Variants in CNOT4 observed in about 807,000 individuals in gnomAD.
The protein encoded by CNOT4 is CCR4-associated factor 4.
CNOT4 carries 8 observed loss-of-function variants against 73.8 expected under a neutral mutation model. The ratio of observed to expected loss-of-function variants is 0.11; its 90% CI spans 0.06 to 0.20. The LOEUF (loss-of-function observed/expected upper bound fraction) is 0.20, where lower values mean the gene tolerates loss of function less well. Among genes scored for constraint, CNOT4 ranks in the 10% least tolerant of loss-of-function variants. The pLI, the probability that CNOT4 is intolerant of heterozygous loss-of-function variation, is 1.00. For missense variants in CNOT4, 564 were observed against 883.4 expected, an observed-to-expected ratio of 0.64 and a Z score of 4.58; for synonymous variants, 293 against 321.1, an observed-to-expected ratio of 0.91 and a Z score of 0.94.
intron 7 of CNOT4, among the ~76,000 whole-genome samples, chr7:135,400,487 G>A (rs1796949000): frequency 6.6e-6 from 1 of 152,056 alleles, no homozygotes; most frequent in Non-Finnish European, 1.5e-5. Context: ...CTGGATCTTG[G>A]TTCATCTTCC....
At chr7:135,425,127 C>T (rs995974561) in intron 2 of CNOT4, among the ~76,000 whole-genome samples, 1 of 152,140 alleles carries the variant, frequency 6.6e-6, no homozygotes, top group African/African-American at 2.4e-5. Flanking sequence ...CATAATAGCA[C>T]TCTATATCAG....
At chr7:135,482,986 CAAA>C (rs36125617) in intron 1 of CNOT4, among the ~76,000 whole-genome samples, 6 of 43,498 alleles carry the variant, frequency 1.4e-4, no homozygotes, top group Admixed American at 3.0e-4. Flanking sequence ...GACTCCATAT[CAAA>C]AAAAAAAAAA....
rs780181408 is a variant in CNOT4 at position 135,363,908 on chromosome 7, C to T, written c.1786G>A (p.Asp596Asn). 9 of 1,598,190 alleles carry T rather than the reference C, an allele frequency of 5.6e-6. No homozygotes were observed. The Admixed American group carries it at 8.3e-5, about 15-fold the overall frequency. The stretch of plus-strand genomic sequence containing the variant: ...CCAGGGCTGTCCCAACTCAGGCTGT[C>T]GGTGGTGGCAGTGTTGGACGTTGGT... The part of the protein sequence containing the change: ...SAPTSNTATT[D>N]SLSWDSPGSW... The change falls in exon 11 of 12, where the codon GAC becomes AAC. Residue 596 changes from aspartate (D) to asparagine (N), a missense_variant. By Grantham distance (23) the Asp-to-Asn change is conservative. This residue lies in a region of CNOT4 where 53 missense variants were observed against 75.4 expected (regional missense o/e 0.70). Transcript: ENST00000541284. The surrounding 1 kb of genome is among the most constrained non-coding windows in gnomAD (Gnocchi z 4.3).
At chr7:135,450,748 T>A (rs947866330) in intron 1 of CNOT4, among the ~76,000 whole-genome samples, 3 of 152,174 alleles carry the variant, frequency 2.0e-5, no homozygotes, top group Non-Finnish European at 4.4e-5. Context: ...ACAATGTCTG[T>A]CTAATTTGTT....
intron 7 of CNOT4, among the ~76,000 whole-genome samples, chr7:135,403,895 T>G (rs1797136564): frequency 6.6e-6 from 1 of 152,226 alleles, no homozygotes; most frequent in Admixed American, 6.5e-5. Context: ...ATACACTTAA[T>G]GTTTTTAAAA....
rs79529767 is a variant in CNOT4, at chr7:135,475,955, A to G, written c.-93+33934T>C. 5.7e-3 allele frequency among the ~76,000 whole-genome samples: 870 copies of G among 152,240 alleles called. 4 individuals carry two copies. The highest frequency in any genetic ancestry group is 9.1e-3 in the Non-Finnish European group (622 of 68,020). On this transcript the variant is annotated intron_variant, in intron 1 of 11. Coordinates refer to ENST00000541284, the MANE Select transcript of CNOT4 (RefSeq NM_001190850.2). The stretch of plus-strand genomic sequence containing the variant: ...TAAAAATGAGGGAAAAAAGTCTAAA[A>G]AAGTTTAAAGTTGCTATGTAGAAAA...
chr7:135,444,069 G>A (rs1403042446), intron 1 of CNOT4, among the ~76,000 whole-genome samples: 4 of 151,902 alleles, frequency 2.6e-5, no homozygotes, highest in Admixed American at 2.0e-4. Flanking sequence ...GAGCCAGGAG[G>A]GAGAGGCTGC....
intron 2 of CNOT4, among the ~76,000 whole-genome samples, chr7:135,426,290 C>T (rs911795778): frequency 6.6e-6 from 1 of 151,724 alleles, no homozygotes; most frequent in African/African-American, 2.4e-5. Context: ...ATATTACTAG[C>T]ACTAAAAATG....
At chr7:135,412,266 A>C (rs929309118) in intron 6 of CNOT4, among the ~76,000 whole-genome samples, 17 of 151,922 alleles carry the variant, frequency 1.1e-4, no homozygotes, top group Non-Finnish European at 1.9e-4. Flanking sequence ...ATCCCATTAC[A>C]AACAAGTTCC....
intron 10 of CNOT4, among the ~76,000 whole-genome samples, chr7:135,374,528 A>C (rs1795410948): frequency 6.6e-6 from 1 of 152,224 alleles, no homozygotes; most frequent in Non-Finnish European, 1.5e-5. Context: ...ATTTGACTCC[A>C]TGCTTTTTAT....
chr7:135,499,928 C>T (rs1176652577), intron 1 of CNOT4, among the ~76,000 whole-genome samples: 1 of 152,146 alleles, frequency 6.6e-6, no homozygotes, highest in Admixed American at 6.5e-5. Flanking sequence ...TTTTCAACAG[C>T]ACACACGATC....
intron 10 of CNOT4, chr7:135,388,544 T>C: frequency 9.3e-7 from 1 of 1,073,542 alleles, no homozygotes; most frequent in Non-Finnish European, 1.1e-6. Context: ...AAGTTTATTT[T>C]TATGAGTTAG....
chr7:135,460,410 T>C (rs1563063541), intron 1 of CNOT4, among the ~76,000 whole-genome samples: 1 of 152,220 alleles, frequency 6.6e-6, no homozygotes, highest in Non-Finnish European at 1.5e-5. Flanking sequence ...ATTCTTTCTT[T>C]CATTTGAACA....
At chr7:135,492,906 T>C (rs984109189) in intron 1 of CNOT4, among the ~76,000 whole-genome samples, 1 of 152,034 alleles carries the variant, frequency 6.6e-6, no homozygotes, top group Non-Finnish European at 1.5e-5. Flanking sequence ...TATATTGAAA[T>C]TATCAAGAAT....
At chr7:135,431,214 A>G (rs554163968) in intron 2 of CNOT4, among the ~76,000 whole-genome samples, 24 of 152,344 alleles carry the variant, frequency 1.6e-4, no homozygotes, top group African/African-American at 5.3e-4. Context: ...GCAGTGAGCC[A>G]TATTTGTGCC....
At chr7:135,424,036 A>C (rs1028721177) in intron 2 of CNOT4, among the ~76,000 whole-genome samples, 28 of 135,140 alleles carry the variant, frequency 2.1e-4, no homozygotes, top group Non-Finnish European at 3.4e-4. Flanking sequence ...AAACAAACAA[A>C]CAAAACACAC....
chr7:135,495,687 A>G (rs1803470709), intron 1 of CNOT4, among the ~76,000 whole-genome samples: 3 of 65,692 alleles, frequency 4.6e-5, no homozygotes, highest in South Asian at 5.1e-4. Flanking sequence ...AAAAAAAAAA[A>G]AAAAAAGAAA....
chr7:135,508,113 A>C (rs1804493658), intron 1 of CNOT4, among the ~76,000 whole-genome samples: 2 of 152,246 alleles, frequency 1.3e-5, no homozygotes, highest in African/African-American at 4.8e-5. Flanking sequence ...CCAGTAATGG[A>C]CTGCCACATG....
At chr7:135,390,447 TA>T (rs990751629) in intron 10 of CNOT4, among the ~76,000 whole-genome samples, 11 of 150,488 alleles carry the variant, frequency 7.3e-5, no homozygotes, top group Non-Finnish European at 1.3e-4. Context: ...CCAATAATAA[TA>T]AAAAAAAAGA....
Sources: allele counts gnomAD v4.1 joint callset (sites outside exome capture counted in the v4.1 genomes callset), GRCh38; gene constraint gnomAD v4.1.1; regional missense constraint gnomAD v4.1.1; non-coding constraint Gnocchi (gnomAD v3.1); transcripts MANE v1.5; gene names NCBI Gene and HGNC (gene_info 2026-07-23, HGNC 2026-07-21).